Variants in GDPD3 observed in about 807,000 individuals in gnomAD.
GDPD3 encodes glycerophosphodiester phosphodiesterase domain containing 3.
In GDPD3, 40 loss-of-function variants were observed where a neutral mutation model predicts 43.7. The ratio of observed to expected loss-of-function variants is 0.91; its 90% CI spans 0.71 to 1.19. The LOEUF (loss-of-function observed/expected upper bound fraction) is 1.19. Among genes scored for constraint, GDPD3 ranks in the 50% most tolerant of loss-of-function variants. GDPD3 has a pLI of 0.00. For missense variants in GDPD3, 363 were observed against 415.8 expected (o/e 0.87, Z 1.11); for synonymous variants, 145 against 162.9 (o/e 0.89, Z 0.84).
intron 9 of GDPD3, 101 bp downstream of exon 9, chr16:30,108,112 T>C (rs1040023429): frequency 2.1e-6 from 2 of 967,816 alleles, no homozygotes; most frequent in African/African-American, 3.3e-5. Flanking sequence ...GAAACTGAGG[T>C]GAGGTCACCT....
chr16:30,107,507 C>G, intron 9 of GDPD3, among the ~76,000 whole-genome samples: 1 of 152,112 alleles, frequency 6.6e-6, no homozygotes, highest in Non-Finnish European at 1.5e-5. Flanking sequence ...ATTAAATGAT[C>G]TGGTGGAAGC....
chr16:30,112,721 T>TGAC lies in GDPD3; in HGVS notation c.252_254dup (p.Ser85dup). The TGAC allele has an allele frequency of 6.2e-7, 1 of 1,613,668 alleles. No individual in the cohort carries two copies. The highest frequency in any genetic ancestry group is 8.5e-7 in the Non-Finnish European group (1 of 1,179,988). ...ACTGGCGGCACAGGTTCTCATCATG[T>TGAC]GACACCACCACCACTCTGTCCCGTG... On this transcript the variant is annotated inframe_insertion, in exon 3 of 10. Transcript: ENST00000406256. This position sits in a 1 kb window ranked among gnomAD's most constrained non-coding sequence, Gnocchi z 5.4.
chr16:30,112,741 C>A lies in GDPD3; in HGVS notation c.235G>T (p.Asp79Tyr), dbSNP rs1221802274. 5.0e-6 allele frequency: 8 copies of A among 1,613,330 alleles called. No homozygotes were observed. Among genetic ancestry groups the A allele is most frequent in the Non-Finnish European group, 6.8e-6 (8 of 1,179,978 alleles). Residue 79 changes from aspartate (D) to tyrosine (Y), a missense_variant, in exon 3 of 10, where the codon GAC (aspartate) becomes TAC (tyrosine). By Grantham distance (160) the Asp-to-Tyr change is radical. Transcript: ENST00000406256. This position sits in a 1 kb window ranked among gnomAD's most constrained non-coding sequence, Gnocchi z 5.4. ...LLELDCQLTR[D>Y]RVVVVSHDEN... ...TCATGTGACACCACCACCACTCTGT[C>A]CCGTGTCAGCTGACAGTCGAGCTCC...
intron 9 of GDPD3, among the ~76,000 whole-genome samples, chr16:30,106,340 G>C (rs2072860673): frequency 6.6e-6 from 1 of 152,078 alleles, no homozygotes; most frequent in Admixed American, 6.6e-5. Flanking sequence ...CAAGATGGGA[G>C]TATTTAAACC....
At chr16:30,110,875 A>AAAAAAAAAAAAAAAC in intron 7 of GDPD3, 1 of 152,040 alleles carries the variant, frequency 6.6e-6, no homozygotes, top group Non-Finnish European at 1.5e-5. Context: ...AAAAAAAAAA[A>AAAAAAAAAAAAAAAC]ATTGTAAAGC....
intron 9 of GDPD3, among the ~76,000 whole-genome samples, chr16:30,106,929 G>T (rs149303599): frequency 6.6e-6 from 1 of 151,758 alleles, no homozygotes; most frequent in Non-Finnish European, 1.5e-5. Flanking sequence ...GGCTGGTCTC[G>T]AACTCCTGAC....
In GDPD3 at chr16:30,113,503, G is replaced by A. The variant is rs1227569637; in HGVS notation, c.-25C>T. 6 of 1,517,448 alleles carry A rather than the reference G, an allele frequency of 4.0e-6. No homozygotes were observed. The Admixed American group carries it at 7.9e-5, about 20-fold the overall frequency. The allele number at this position is 1,517,448 out of a possible 1,614,324, so 94.0% of individuals were successfully genotyped here. On this transcript the variant is annotated 5_prime_UTR_variant, in exon 1 of 10. Transcript: ENST00000406256. This position sits in a 1 kb window ranked among gnomAD's most constrained non-coding sequence, Gnocchi z 5.9. ...TGACCGTACTCCCACAGAAGCTCCT[G>A]CAGCCACACGCTCAGCCGTCCGCGG... is the stretch of plus-strand genomic sequence containing the variant.
At position 30,111,468 on chromosome 16, in the gene GDPD3, A is replaced by G; in HGVS notation, c.627T>C (p.Leu209=). 2 of 1,614,054 alleles carry G rather than the reference A, an allele frequency of 1.2e-6. No homozygotes were observed. The highest frequency in any genetic ancestry group is 1.7e-6 in the Non-Finnish European group (2 of 1,179,978). The part of the protein sequence containing the change: ...FTISRGFWVL[L]SYYLGLLPFI... ...AGGGCAGCAGCCCCAGGTAGTAGGA[A>G]AGCAGCACCCAGAATCCTCGGCTTA... The change falls in exon 7 of 10, where the codon CTT becomes CTC. Residue 209 remains leucine, a synonymous_variant. Transcript: ENST00000406256.
At position 30,106,813 on chromosome 16, in the gene GDPD3, T is replaced by C. The variant is rs529285774; in HGVS notation, c.819+1400A>G. Among the ~76,000 whole-genome samples the C allele has an allele frequency of 7.9e-5, 12 of 151,802 alleles. No homozygotes were observed. The South Asian group carries it at 2.1e-3, about 26-fold the overall frequency. On this transcript the variant is annotated intron_variant, in intron 9 of 9. Coordinates refer to ENST00000406256, the MANE Select transcript of GDPD3 (RefSeq NM_024307.3). ...CCTCCAGCTCCTGGGTTCAAGTGAT[T>C]CTCGTGCTTGAGCCTCCCAAGTAGA...
chr16:30,105,451 C>T (rs1263008448), intron 9 of GDPD3, among the ~76,000 whole-genome samples: 4 of 139,818 alleles, frequency 2.9e-5, no homozygotes, highest in Admixed American at 7.0e-5. Flanking sequence ...AACAAGACCT[C>T]GTCTCAAAAA....
Position 30,105,027 on chromosome 16 carries a change from G to T in GDPD3, c.820-18C>A, listed in dbSNP as rs762222732. ...AAGACCACCTGAGCAGGGAGGGAGG[G>T]GGCCTGTAGATTCTGAACAATTTTA... On this transcript the variant is annotated intron_variant, in intron 9 of 9. Transcript: ENST00000406256. 64 of 1,585,430 alleles carry T rather than the reference G, an allele frequency of 4.0e-5. No homozygotes were observed. The highest frequency in any genetic ancestry group is 4.6e-5 in the Non-Finnish European group (54 of 1,165,894).
intron 7 of GDPD3, among the ~76,000 whole-genome samples, chr16:30,109,042 G>T (rs928596025): frequency 3.3e-5 from 5 of 152,028 alleles, no homozygotes; most frequent in African/African-American, 4.8e-5. Context: ...CTGTTAGCCA[G>T]GATGGTCTCG....
At position 30,106,313 on chromosome 16, in the gene GDPD3, G is replaced by A. The variant is rs988429919; in HGVS notation, c.820-1304C>T. On this transcript the variant is annotated intron_variant, in intron 9 of 9. Coordinates refer to ENST00000406256, the MANE Select transcript of GDPD3 (RefSeq NM_024307.3). ...ATTCTGCATTTAGTGGCTTCATGTC[G>A]GCAGCCTGAAACTGGCCAAGATGGG... is the stretch of plus-strand genomic sequence containing the variant. Among the ~76,000 whole-genome samples, 12 of 152,116 alleles carry A rather than the reference G, an allele frequency of 7.9e-5. No individual in the cohort carries two copies. In the South Asian group the frequency reaches 1.9e-3, roughly 24 times the overall value.
At chr16:30,109,864 G>A (rs1188503058) in intron 7 of GDPD3, among the ~76,000 whole-genome samples, 1 of 152,094 alleles carries the variant, frequency 6.6e-6, no homozygotes, top group Non-Finnish European at 1.5e-5. Context: ...TGTGCCCATT[G>A]GCCAGCTTCT....
rs780699925 is a variant in GDPD3, at chr16:30,113,445, G to C, written c.34C>G (p.Leu12Val). 2.5e-6 allele frequency: 4 copies of C among 1,607,930 alleles called. No homozygotes were observed. Among genetic ancestry groups the C allele is most frequent in the Non-Finnish European group, 3.4e-6 (4 of 1,176,432 alleles). Reference protein sequence around the residue: ...SLLLYYALPALGSYAMLSIFF... With the variant: ...SLLLYYALPAVGSYAMLSIFF... Reference sequence around the variant, plus strand: ...ATGGAGAGCATGGCATAGCTGCCCAGGGCAGGGAGGGCATAGTACAGCAAA... The same window carrying C: ...ATGGAGAGCATGGCATAGCTGCCCACGGCAGGGAGGGCATAGTACAGCAAA... The change falls in exon 1 of 10, where the codon CTG becomes GTG. Residue 12 changes from leucine (L) to valine (V), a missense_variant. Leu to Val is a conservative substitution (Grantham distance 32). Coordinates refer to ENST00000406256, the MANE Select transcript of GDPD3 (RefSeq NM_024307.3). The surrounding 1 kb of genome is among the most constrained non-coding windows in gnomAD (Gnocchi z 5.9).
intron 7 of GDPD3, among the ~76,000 whole-genome samples, chr16:30,109,068 G>A (rs538868638): frequency 6.6e-6 from 1 of 152,220 alleles, no homozygotes; most frequent in Non-Finnish European, 1.5e-5. Context: ...CTGACTTTGT[G>A]ATCCGCCCGC....
intron 7 of GDPD3, among the ~76,000 whole-genome samples, chr16:30,109,441 G>A (rs999405885): frequency 7.2e-5 from 11 of 152,110 alleles, no homozygotes; most frequent in East Asian, 1.9e-4. Flanking sequence ...CCCAGGAGGC[G>A]GAGGTTTCAG....
Position 30,108,214 on chromosome 16 carries a change from T to G in GDPD3, c.818A>C (p.Gln273Pro). The part of the protein sequence containing the change: ...LIRHLEERGV[Q>P]VVFWCLNEES... ...TGGAAGTGGTGGTCACGGCCTCACC[T>G]GCACCCCTCGCTCCTCCAAGTGTCG... The change falls in exon 9 of 10, where the codon CAG becomes CCG. Residue 273 changes from glutamine (Q) to proline (P), a missense_variant and splice_region_variant. Physicochemically the swap from Gln to Pro is moderately conservative, Grantham distance 76. Transcript: ENST00000406256. The G allele has an allele frequency of 1.3e-6, 2 of 1,598,178 alleles. No individual in the cohort carries two copies. The highest frequency in any genetic ancestry group is 2.3e-5 in the South Asian group (2 of 88,428).
At position 30,112,960 on chromosome 16, in the gene GDPD3, T is replaced by C; in HGVS notation, c.182+62A>G. Reference sequence around the variant, plus strand: ...AGGAAGTGAATGGCGTCCCTTGCTGTGATGCAGTCCACGACCTGCACACCC... The same window carrying C: ...AGGAAGTGAATGGCGTCCCTTGCTGCGATGCAGTCCACGACCTGCACACCC... On this transcript the variant is annotated intron_variant, in intron 2 of 9. Transcript: ENST00000406256. The surrounding 1 kb of genome is among the most constrained non-coding windows in gnomAD (Gnocchi z 5.4). The C allele has an allele frequency of 6.5e-7, 1 of 1,543,874 alleles. No individual in the cohort carries two copies. The highest frequency in any genetic ancestry group is 8.9e-7 in the Non-Finnish European group (1 of 1,118,528).
Sources: allele counts gnomAD v4.1 joint callset (sites outside exome capture counted in the v4.1 genomes callset), GRCh38; gene constraint gnomAD v4.1.1; non-coding constraint Gnocchi (gnomAD v3.1); transcripts MANE v1.5; gene names NCBI Gene and HGNC (gene_info 2026-07-23, HGNC 2026-07-21).